SDCCAG8: variants seen among roughly 807,000 people sequenced by gnomAD.
SDCCAG8 encodes serologically defined colon cancer antigen 8.
In SDCCAG8, 74 loss-of-function variants were observed where a neutral mutation model predicts 101.8. That is an observed-to-expected ratio of 0.73 (90% CI 0.60 to 0.88). SDCCAG8 has a LOEUF of 0.88. Ranked by LOEUF, SDCCAG8 falls within the 40% of genes least tolerant of loss-of-function variation. The pLI, the probability that SDCCAG8 is intolerant of heterozygous loss-of-function variation, is 0.00. For synonymous variants in SDCCAG8, 281 were observed against 292.9 expected, an observed-to-expected ratio of 0.96 and a Z score of 0.41; for missense variants, 787 against 822.6, an observed-to-expected ratio of 0.96 and a Z score of 0.53.
At position 243,256,278 on chromosome 1, in the gene SDCCAG8, G is replaced by GC. The variant is rs34442960; in HGVS notation, c.67+41dup. The GC allele has an allele frequency of 3.1e-3, 4,955 of 1,577,922 alleles. 145 individuals are homozygous for GC. In the African/African-American group the frequency reaches 0.056, roughly 18 times the overall value. On this transcript the variant is annotated intron_variant, in intron 1 of 17. Coordinates refer to ENST00000366541, the MANE Select transcript of SDCCAG8 (RefSeq NM_006642.5). Reference sequence around the variant, plus strand: ...AAACCTCTGTCCCTAGCCCCGAGGTGCCCAGGGCCTAGTGGGCGGGAGCAG... The same window carrying GC: ...AAACCTCTGTCCCTAGCCCCGAGGTGCCCCAGGGCCTAGTGGGCGGGAGCAG...
chr1:243,431,219 C>T (rs995429722), intron 16 of SDCCAG8, among the ~76,000 whole-genome samples: 1 of 152,030 alleles, frequency 6.6e-6, no homozygotes. Flanking sequence ...AACAGAAAAA[C>T]GATTAGGGAG....
At chr1:243,330,447 C>G (rs2074505058) in intron 9 of SDCCAG8, 93 bp from the exon 10 acceptor site, 5 of 1,307,978 alleles carry the variant, frequency 3.8e-6, no homozygotes, top group Non-Finnish European at 5.4e-6. Context: ...TGAGTTTTTG[C>G]TATTTTAAAT....
intron 16 of SDCCAG8, chr1:243,488,551 C>T (rs114525447): frequency 1.7e-3 from 367 of 214,254 alleles, no homozygotes; most frequent in Non-Finnish European, 2.9e-3. Context: ...GACATCTGGT[C>T]AGCGATGCCG....
At chr1:243,341,829 A>T (rs2075398437) in intron 11 of SDCCAG8, among the ~76,000 whole-genome samples, 1 of 152,192 alleles carries the variant, frequency 6.6e-6, no homozygotes, top group South Asian at 2.1e-4. Flanking sequence ...GTCCATCTAG[A>T]TTTCAATAGT....
At chr1:243,487,634 C>CT (rs1371067212) in intron 16 of SDCCAG8, among the ~76,000 whole-genome samples, 1 of 152,194 alleles carries the variant, frequency 6.6e-6, no homozygotes, top group African/African-American at 2.4e-5. Context: ...AGTCCTTACA[C>CT]TTTCTCCAGA....
chr1:243,419,574 A>G (rs1163835813), intron 15 of SDCCAG8, among the ~76,000 whole-genome samples: 1 of 152,206 alleles, frequency 6.6e-6, no homozygotes, highest in Non-Finnish European at 1.5e-5. Context: ...GGTGCTTGGT[A>G]TGTTATTTAA....
At chr1:243,364,440 T>C (rs1191833353) in intron 12 of SDCCAG8, among the ~76,000 whole-genome samples, 1 of 152,168 alleles carries the variant, frequency 6.6e-6, no homozygotes, top group Non-Finnish European at 1.5e-5. Flanking sequence ...CCTTAGGATT[T>C]GGGAACCAGA....
At chr1:243,442,147 A>G (rs2082579433) in intron 16 of SDCCAG8, among the ~76,000 whole-genome samples, 1 of 152,208 alleles carries the variant, frequency 6.6e-6, no homozygotes. Flanking sequence ...ATAGATCATC[A>G]TATTACCCCA....
At chr1:243,310,459 A>G (rs993633809) in intron 8 of SDCCAG8, among the ~76,000 whole-genome samples, 11 of 152,170 alleles carry the variant, frequency 7.2e-5, no homozygotes, top group Non-Finnish European at 1.6e-4. Flanking sequence ...GCCTGTTTAT[A>G]TTTGAAAAAC....
At chr1:243,415,036 G>A (rs955981707) in intron 13 of SDCCAG8, among the ~76,000 whole-genome samples, 5 of 152,142 alleles carry the variant, frequency 3.3e-5, no homozygotes, top group African/African-American at 9.7e-5. Context: ...ATCACAGTAC[G>A]ATGGGTTGTT....
chr1:243,275,827 T>C (rs1313523674), intron 4 of SDCCAG8, among the ~76,000 whole-genome samples: 1 of 151,616 alleles, frequency 6.6e-6, no homozygotes, highest in Non-Finnish European at 1.5e-5. Flanking sequence ...TGGGAATGTT[T>C]CTATGGGAGA....
At chr1:243,326,958 A>G (rs573753713) in intron 9 of SDCCAG8, among the ~76,000 whole-genome samples, 65 of 152,266 alleles carry the variant, frequency 4.3e-4, no homozygotes, top group African/African-American at 1.5e-3. Flanking sequence ...AGTCCAATAA[A>G]CTGTGTTTGA....
chr1:243,330,634 T>A lies in SDCCAG8; in HGVS notation c.1163T>A (p.Ile388Asn), dbSNP rs377237088. Reference protein sequence around the residue: ...ELASQQEKRAIEKDMMKKEIT... With the variant: ...ELASQQEKRANEKDMMKKEIT... ...GCATCTCAGCAAGAGAAAAGGGCCA[T>A]TGAGAAAGACATGATGAAAAAGGAA... Residue 388 changes from isoleucine (I) to asparagine (N), a missense_variant, in exon 10 of 18, where the codon ATT (isoleucine) becomes AAT (asparagine). Transcript: ENST00000366541. 1.2e-5 allele frequency: 20 copies of A among 1,614,008 alleles called. No individual in the cohort carries two copies. The highest frequency in any genetic ancestry group is 3.3e-4 in the Middle Eastern group (2 of 6,062).
intron 16 of SDCCAG8, among the ~76,000 whole-genome samples, chr1:243,429,259 C>G (rs1385594029): frequency 6.6e-6 from 1 of 152,098 alleles, no homozygotes; most frequent in Non-Finnish European, 1.5e-5. Context: ...TTATGATTTT[C>G]TTAATATTTT....
intron 12 of SDCCAG8, among the ~76,000 whole-genome samples, chr1:243,354,297 T>G (rs1169702149): frequency 6.6e-6 from 1 of 152,202 alleles, no homozygotes; most frequent in Non-Finnish European, 1.5e-5. Context: ...AGCCTCAAGT[T>G]TTATTCTGTA....
intron 12 of SDCCAG8, among the ~76,000 whole-genome samples, chr1:243,348,556 C>T (rs1462307858): frequency 6.6e-6 from 1 of 152,044 alleles, no homozygotes; most frequent in Non-Finnish European, 1.5e-5. Context: ...CAGGGCAGGG[C>T]GGGATAGAGG....
rs182846655 is a variant in SDCCAG8, at chr1:243,463,562, C to T, written c.1986-25452C>T. On this transcript the variant is annotated intron_variant, in intron 16 of 17. Coordinates refer to ENST00000366541, the MANE Select transcript of SDCCAG8 (RefSeq NM_006642.5). Reference sequence around the variant, plus strand: ...GCCCCAAGACCAGCCTGATGGAAACCGCTTCCTGTAATGCCTAATATAGCA... The same window carrying T: ...GCCCCAAGACCAGCCTGATGGAAACTGCTTCCTGTAATGCCTAATATAGCA... 2.0e-4 allele frequency among the ~76,000 whole-genome samples: 30 copies of T among 152,252 alleles called. No individual in the cohort carries two copies. The East Asian group carries it at 4.4e-3, about 23-fold the overall frequency.
chr1:243,322,779 C>CT (rs200221920), intron 9 of SDCCAG8, among the ~76,000 whole-genome samples: 2,148 of 144,280 alleles, frequency 0.015, 51 homozygotes, highest in African/African-American at 0.044. Context: ...CCCAATCACA[C>CT]TTTTTTTTTT....
intron 7 of SDCCAG8, chr1:243,307,709 A>G (rs2072297378): frequency 3.7e-5 from 50 of 1,334,380 alleles, no homozygotes; most frequent in Non-Finnish European, 4.7e-5. Context: ...TCCTGGGACA[A>G]GAGAGCCAGT....
Sources: allele counts gnomAD v4.1 joint callset (sites outside exome capture counted in the v4.1 genomes callset), GRCh38; gene constraint gnomAD v4.1.1; transcripts MANE v1.5; gene names NCBI Gene and HGNC (gene_info 2026-07-23, HGNC 2026-07-21).